PTH2R: variants seen among roughly 807,000 people sequenced by gnomAD.
The protein encoded by PTH2R is PTH2 receptor.
PTH2R carries 59 observed loss-of-function variants against 60.3 expected under a neutral mutation model. The observed-to-expected ratio is 0.98, with a 90% CI of 0.79 to 1.22. The LOEUF (loss-of-function observed/expected upper bound fraction) is 1.22. Ranked by LOEUF, PTH2R falls within the 50% of genes most tolerant of loss-of-function variation. The pLI, the probability that PTH2R is intolerant of heterozygous loss-of-function variation, is 0.00. For missense variants in PTH2R, 749 were observed against 682.6 expected (o/e 1.10, Z -1.08); for synonymous variants, 256 against 243.8 (o/e 1.05, Z -0.47).
At chr2:208,401,436 T>C (rs1346264465) in intron 1 of PTH2R, among the ~76,000 whole-genome samples, 1 of 151,450 alleles carries the variant, frequency 6.6e-6, no homozygotes, top group Non-Finnish European at 1.5e-5. Context: ...CTCCAAGACT[T>C]GCAAAAAGGT....
chr2:208,418,983 A>G (rs1433318168), intron 1 of PTH2R, among the ~76,000 whole-genome samples: 1 of 152,214 alleles, frequency 6.6e-6, no homozygotes, highest in Non-Finnish European at 1.5e-5. Context: ...TGTTGAAGCT[A>G]TAACTTAAAT....
At chr2:208,380,333 G>A (rs1041611777) in intron 1 of PTH2R, among the ~76,000 whole-genome samples, 1 of 152,048 alleles carries the variant, frequency 6.6e-6, no homozygotes, top group South Asian at 2.1e-4. Flanking sequence ...GATGGTATCT[G>A]AATTAACAGT....
intron 4 of PTH2R, among the ~76,000 whole-genome samples, 175 bp from the exon 5 acceptor site, chr2:208,442,189 T>A (rs936094061): frequency 5.9e-5 from 9 of 152,160 alleles, no homozygotes; most frequent in Admixed American, 5.2e-4. Flanking sequence ...GAACTTGGTT[T>A]GTCAAAACCT....
chr2:208,378,310 C>T (rs929243907), intron 1 of PTH2R, among the ~76,000 whole-genome samples: 7 of 150,548 alleles, frequency 4.6e-5, no homozygotes, highest in African/African-American at 1.7e-4. Context: ...TGCAGTGAGC[C>T]GCGATGGCAG....
At chr2:208,409,240 C>A (rs980651152) in intron 1 of PTH2R, among the ~76,000 whole-genome samples, 1 of 152,154 alleles carries the variant, frequency 6.6e-6, no homozygotes, top group Non-Finnish European at 1.5e-5. Flanking sequence ...CAAACTGATA[C>A]ATTTTATGAC....
chr2:208,414,561 A>T (rs1414307394), intron 1 of PTH2R, among the ~76,000 whole-genome samples: 4 of 150,396 alleles, frequency 2.7e-5, no homozygotes, highest in Non-Finnish European at 4.4e-5. Context: ...ATTTTTTTTC[A>T]GTTTTTTTTT....
chr2:208,455,405 G>A (rs187094474), intron 8 of PTH2R, among the ~76,000 whole-genome samples: 2 of 152,238 alleles, frequency 1.3e-5, no homozygotes, highest in Admixed American at 1.3e-4. Flanking sequence ...AAAGCTTACC[G>A]CTAGACTGAA....
At chr2:208,372,057 G>A (rs1700711922) in intron 1 of PTH2R, among the ~76,000 whole-genome samples, 1 of 151,940 alleles carries the variant, frequency 6.6e-6, no homozygotes, top group Non-Finnish European at 1.5e-5. Context: ...GAACAGCTGG[G>A]ATTACAGGTG....
At chr2:208,370,303 C>T (rs1230703130) in intron 1 of PTH2R, among the ~76,000 whole-genome samples, 1 of 151,552 alleles carries the variant, frequency 6.6e-6, no homozygotes, top group Non-Finnish European at 1.5e-5. Flanking sequence ...ATTAGCCAGG[C>T]ATGGTGGCGG....
At chr2:208,427,906 G>T (rs1701889750) in intron 1 of PTH2R, among the ~76,000 whole-genome samples, 1 of 150,230 alleles carries the variant, frequency 6.7e-6, no homozygotes, top group Non-Finnish European at 1.5e-5. Context: ...TTTTTTCTTA[G>T]TATAATATCT....
At chr2:208,481,000 A>C in intron 9 of PTH2R, 70 bp from the exon 10 acceptor site, 1 of 1,167,126 alleles carries the variant, frequency 8.6e-7, no homozygotes, top group Non-Finnish European at 1.2e-6. Flanking sequence ...AAAAATTTCA[A>C]TTTATGTAAA....
Position 208,407,071 on chromosome 2 carries a change from G to A in PTH2R, c.28G>A (p.Val10Ile), listed in dbSNP as rs141998745. The change falls in exon 1 of 13, where the codon GTC becomes ATC. Residue 10 changes from valine to isoleucine, a missense_variant. Coordinates refer to ENST00000272847, the MANE Select transcript of PTH2R (RefSeq NM_005048.4). ...GGCCGGGCTGGGGGCGTCGCTCCACGTCTGGGGTTGGCTAATGCTCGGCAG... is the reference window on the plus strand; with the variant it reads ...GGCCGGGCTGGGGGCGTCGCTCCACATCTGGGGTTGGCTAATGCTCGGCAG... Reference protein sequence around the residue: MAGLGASLHVWGWLMLGSCL... With the variant: MAGLGASLHIWGWLMLGSCL... The A allele has an allele frequency of 8.1e-4, 1,124 of 1,395,872 alleles. No individual in the cohort carries two copies. The highest frequency in any genetic ancestry group is 9.6e-4 in the Non-Finnish European group (1,026 of 1,068,092). The allele number at this position is 1,395,872 out of a possible 1,614,324, so 86.5% of individuals were successfully genotyped here.
intron 9 of PTH2R, among the ~76,000 whole-genome samples, chr2:208,472,834 C>G (rs1221443657): frequency 6.6e-6 from 1 of 151,880 alleles, no homozygotes; most frequent in African/African-American, 2.4e-5. Context: ...TGCATTAATC[C>G]TCAAATAACT....
At chr2:208,365,960 ATTTTTTTTTTTTTTTTTTTTT>A (rs1172950601) in intron 1 of PTH2R, among the ~76,000 whole-genome samples, 4 of 16,112 alleles carry the variant, frequency 2.5e-4, no homozygotes, top group African/African-American at 7.3e-4. Context: ...ATATATATAT[ATTTTTTTTTTTTTTTTTTTTT>A]TTTTTTTTTT....
chr2:208,410,918 A>G (rs1701528195), intron 1 of PTH2R, among the ~76,000 whole-genome samples: 1 of 152,202 alleles, frequency 6.6e-6, no homozygotes, highest in East Asian at 1.9e-4. Flanking sequence ...TGGTGATAAT[A>G]AACAGAACTG....
chr2:208,456,383 C>T (rs1482051843), intron 8 of PTH2R, among the ~76,000 whole-genome samples: 3 of 152,188 alleles, frequency 2.0e-5, no homozygotes, highest in East Asian at 3.8e-4. Flanking sequence ...ATCTGATTAT[C>T]TTCTCTTTGC....
exon 1 of PTH2R, chr2:208,360,177 T>C (rs1346957875): frequency 2.2e-6 from 1 of 455,176 alleles, no homozygotes; most frequent in Admixed American, 2.4e-5. Flanking sequence ...TTCTTTTCTC[T>C]TCTTTTTCTA....
At chr2:208,488,905 A>G in intron 10 of PTH2R, 107 bp from the exon 11 acceptor site, 1 of 1,145,808 alleles carries the variant, frequency 8.7e-7, no homozygotes, top group South Asian at 1.5e-5. Flanking sequence ...AGAAAGTGTC[A>G]GCCCCACCCC....
chr2:208,414,585 C>T (rs1307590170), intron 1 of PTH2R, among the ~76,000 whole-genome samples: 3 of 150,826 alleles, frequency 2.0e-5, no homozygotes. Context: ...ATTAGAATAT[C>T]TATTAGAATA....
Sources: gnomAD v4.1 joint callset for allele counts (sites outside exome capture counted in the v4.1 genomes callset) on GRCh38, gnomAD v4.1.1 for gene constraint, MANE v1.5 for transcripts, NCBI Gene and HGNC (gene_info 2026-07-23, HGNC 2026-07-21) for gene names.